MPC2: variants seen among roughly 807,000 people sequenced by gnomAD.
MPC2 encodes brain protein 44.
In MPC2, 19 loss-of-function variants were observed where a neutral mutation model predicts 19.2. The ratio of observed to expected loss-of-function variants is 0.99; its 90% confidence interval spans 0.69 to 1.45. The LOEUF is 1.45. Among genes scored for constraint, MPC2 ranks in the 40% most tolerant of loss-of-function variants. The pLI is 0.00. For synonymous variants in MPC2, 61 were observed against 54.3 expected (o/e 1.12, Z -0.54); for missense variants, 122 against 153.0 (o/e 0.80, Z 1.07).
intron 3 of MPC2, among the ~76,000 whole-genome samples, chr1:167,923,067 T>C (rs1670642689): frequency 6.6e-6 from 1 of 152,152 alleles, no homozygotes; most frequent in Non-Finnish European, 1.5e-5. Flanking sequence ...GTAACAAGTG[T>C]TGGTGAGGAT....
chr1:167,935,797 C>G lies in MPC2; in HGVS notation c.45G>C (p.Arg15=), dbSNP rs1396422002. 2 of 1,559,506 alleles carry G rather than the reference C, an allele frequency of 1.3e-6. No homozygotes were observed. Among genetic ancestry groups the G allele is most frequent in the Admixed American group, 3.8e-5 (2 of 52,240 alleles). ...GARGLRATYH[R]LLDKVELMLP... ...GCATCAGCTCCACTTTATCGAGGAG[C>G]CGGTGGTAGGTGGCCCGCAGGCCTC... Residue 15 remains arginine (R), a synonymous_variant, in exon 2 of 6, where the codon CGG becomes CGC. Transcript: ENST00000271373.
intron 3 of MPC2, among the ~76,000 whole-genome samples, chr1:167,924,026 C>T (rs1243999206): frequency 1.3e-5 from 2 of 152,202 alleles, no homozygotes; most frequent in African/African-American, 4.8e-5. Flanking sequence ...AAGCACTGGG[C>T]TTGGAGTCAG....
chr1:167,935,684 A>G, intron 2 of MPC2, 49 bp downstream of exon 2: 2 of 1,485,016 alleles, frequency 1.3e-6, no homozygotes, highest in Non-Finnish European at 1.8e-6. Flanking sequence ...TCCATTTTAG[A>G]GGAAGCGAGA....
chr1:167,929,731 T>G (rs1670855877), intron 2 of MPC2, among the ~76,000 whole-genome samples: 1 of 152,176 alleles, frequency 6.6e-6, no homozygotes, highest in African/African-American at 2.4e-5. Flanking sequence ...AAGTAAAGAC[T>G]AACTTTTTGG....
At chr1:167,936,801 C>A in intron 1 of MPC2, 138 bp downstream of exon 1, 1 of 981,098 alleles carries the variant, frequency 1.0e-6, no homozygotes, top group South Asian at 1.5e-5. Flanking sequence ...GCCCTGGAGG[C>A]CCGGCGCGCG....
chr1:167,924,434 A>C (rs1323580753), intron 3 of MPC2, 63 bp downstream of exon 3: 1 of 1,392,352 alleles, frequency 7.2e-7, no homozygotes, highest in Non-Finnish European at 9.9e-7. Flanking sequence ...AGTTACTTCA[A>C]ATTAGTAAAT....
rs145893896 is a variant in MPC2 at position 167,929,668 on chromosome 1, T to C, written c.110-5131A>G. ...AGAAATTACTGTTAATAAAATATTA[T>C]ATGAATCCTACCCAGAAAGTAGGCC... On this transcript the variant is annotated intron_variant, in intron 2 of 5. Transcript: ENST00000271373. Among the ~76,000 whole-genome samples, 357 of 152,350 alleles carry C rather than the reference T, an allele frequency of 2.3e-3. 2 individuals are homozygous for C. The highest frequency in any genetic ancestry group is 8.3e-3 in the African/African-American group (346 of 41,582).
rs1670679704 is a variant in MPC2 at position 167,924,404 on chromosome 1, T to TTC, written c.150+92_150+93insGA. 2.8e-6 allele frequency: 3 copies of TTC among 1,056,472 alleles called. No homozygotes were observed. The African/African-American group carries it at 5.0e-5, about 17-fold the overall frequency. 65.4% of individuals were successfully genotyped at this position (1,056,472 alleles called of 1,614,324 possible). A position where few individuals can be genotyped will look rare whatever the true frequency, so the allele number is the denominator to read the frequency against. Reference sequence around the variant, plus strand: ...ATCTAGAGGCATACCAAGAATACTCTAAAGTATATCCTTCATAAAAGTTAC... The same window carrying TTC: ...ATCTAGAGGCATACCAAGAATACTCTTCAAAGTATATCCTTCATAAAAGTTAC... On this transcript the variant is annotated intron_variant, in intron 3 of 5. Coordinates refer to ENST00000271373, the MANE Select transcript of MPC2 (RefSeq NM_001143674.4).
intron 2 of MPC2, among the ~76,000 whole-genome samples, chr1:167,926,643 G>A (rs1271916900): frequency 6.6e-6 from 1 of 152,202 alleles, no homozygotes; most frequent in Non-Finnish European, 1.5e-5. Flanking sequence ...TGCCGCTGCT[G>A]CTGCCGTCTA....
chr1:167,936,860 C>CCAA, intron 1 of MPC2, 79 bp downstream of exon 1: 1 of 1,280,270 alleles, frequency 7.8e-7, no homozygotes, highest in Non-Finnish European at 1.1e-6. Context: ...CCCTCCCCCT[C>CCAA]CTCCCCTCCC....
At chr1:167,924,301 T>TA (rs1670676506) in intron 3 of MPC2, 196 bp downstream of exon 3, 1 of 418,944 alleles carries the variant, frequency 2.4e-6, no homozygotes, top group Non-Finnish European at 4.3e-6. Context: ...GCCTCTTATC[T>TA]AAAGAGTTCA....
chr1:167,919,991 A>T lies in MPC2; in HGVS notation c.335T>A (p.Phe112Tyr), dbSNP rs764237612. Residue 112 changes from phenylalanine (F) to tyrosine (Y), a missense_variant, in exon 5 of 6, where the codon TTT becomes TAT. By Grantham distance (22) the Phe-to-Tyr change is conservative. Coordinates refer to ENST00000271373, the MANE Select transcript of MPC2 (RefSeq NM_001143674.4). Reference sequence around the variant, plus strand: ...CTGGTAGGCTTACCTCCAAATACGAAAAAGCTGAGAGGCTCCTGCTGCCCC... The same window carrying T: ...CTGGTAGGCTTACCTCCAAATACGATAAAGCTGAGAGGCTCCTGCTGCCCC... ...FVGAAGASQL[F>Y]RIWRYNQELK... 1 of 1,611,640 alleles carries T rather than the reference A, an allele frequency of 6.2e-7. No individual in the cohort carries two copies. Among genetic ancestry groups the T allele is most frequent in the South Asian group, 1.1e-5 (1 of 90,538 alleles).
At chr1:167,936,825 C>G in intron 1 of MPC2, 114 bp downstream of exon 1, 1 of 1,218,946 alleles carries the variant, frequency 8.2e-7, no homozygotes, top group Non-Finnish European at 1.2e-6. Flanking sequence ...GGTGCCGGTG[C>G]GGCTCGGGTG....
chr1:167,933,000 C>T (rs1557857215), intron 2 of MPC2, among the ~76,000 whole-genome samples: 1 of 151,820 alleles, frequency 6.6e-6, no homozygotes, highest in Non-Finnish European at 1.5e-5. Context: ...AGGAACTTGA[C>T]CAGGACACAC....
chr1:167,920,557 C>T lies in MPC2; in HGVS notation c.225G>A (p.Leu75=), dbSNP rs761815337. The change falls in exon 4 of 6, where the codon TTG becomes TTA. Residue 75 remains leucine, a synonymous_variant. Transcript: ENST00000271373. ...ATTTATTTAATTTACCTGTAGCCAT[C>T]AAAACAGCAGATTGAGCTGTGCTAA... is the stretch of plus-strand genomic sequence containing the variant. ...EKLSTAQSAV[L]MATGFIWSRY... is the part of the protein sequence containing the mutation. 1 of 1,613,812 alleles carries T rather than the reference C, an allele frequency of 6.2e-7. No individual in the cohort carries two copies. Among genetic ancestry groups the T allele is most frequent in the South Asian group, 1.1e-5 (1 of 91,056 alleles).
rs1670513534 is a variant in MPC2, at chr1:167,918,241, T to C, written c.*82A>G. ...GTGCCTTCTAAACACACAGTTAGCT[T>C]TGCTTTATCAATAACCAAATAATAA... On this transcript the variant is annotated 3_prime_UTR_variant, in exon 6 of 6. Coordinates refer to ENST00000271373, the MANE Select transcript of MPC2 (RefSeq NM_001143674.4). The C allele has an allele frequency of 6.1e-6, 7 of 1,155,684 alleles. No homozygotes were observed. Among genetic ancestry groups the C allele is most frequent in the Non-Finnish European group, 8.7e-6 (7 of 805,010 alleles). 71.6% of individuals were successfully genotyped at this position (1,155,684 alleles called of 1,614,324 possible). A position where few individuals can be genotyped will look rare whatever the true frequency, so the allele number is the denominator to read the frequency against.
intron 5 of MPC2, among the ~76,000 whole-genome samples, 194 bp downstream of exon 5, chr1:167,919,785 C>T (rs138442408): frequency 1.3e-5 from 2 of 151,968 alleles, no homozygotes; most frequent in Non-Finnish European, 2.9e-5. Context: ...TTTGTAAACC[C>T]CTAGACTTTT....
chr1:167,934,987 A>C (rs868274445), intron 2 of MPC2, among the ~76,000 whole-genome samples: 5 of 152,154 alleles, frequency 3.3e-5, no homozygotes, highest in African/African-American at 1.2e-4. Flanking sequence ...GAGAGATGTA[A>C]CGTTTACTGA....
At chr1:167,920,141 T>C in intron 4 of MPC2, 51 bp from the exon 5 acceptor site, 1 of 1,119,408 alleles carries the variant, frequency 8.9e-7, no homozygotes, top group South Asian at 1.3e-5. Flanking sequence ...CTTCAATAAC[T>C]TCAGTGAATA....
Sources: allele counts gnomAD v4.1 joint callset (sites outside exome capture counted in the v4.1 genomes callset), GRCh38; gene constraint gnomAD v4.1.1; transcripts MANE v1.5; gene names NCBI Gene and HGNC (gene_info 2026-07-23, HGNC 2026-07-21).